Variants in MGAM observed in about 807,000 individuals in gnomAD.
The protein encoded by MGAM is alpha-1,4-glucosidase.
Under a neutral mutation model 358.8 loss-of-function variants are expected in MGAM, and 253 were observed. The ratio of observed to expected loss-of-function variants is 0.71; its 90% CI spans 0.64 to 0.78. The LOEUF (loss-of-function observed/expected upper bound fraction) is 0.78, where lower values mean the gene tolerates loss of function less well. MGAM is among the 30% of genes least tolerant of loss of function. MGAM has a pLI of 0.00. For missense variants in MGAM, 3,080 were observed against 3,432.6 expected (o/e 0.90, Z 2.57); for synonymous variants, 1,105 against 1,227.1 (o/e 0.90, Z 2.08).
At position 142,084,603 on chromosome 7, in the gene MGAM, T is replaced by G. The variant is rs754505078; in HGVS notation, c.6466T>G (p.Ser2156Ala). The G allele has an allele frequency of 5.1e-5, 79 of 1,556,414 alleles. 10 individuals are homozygous for G. The highest frequency in any genetic ancestry group is 2.0e-4 in the African/African-American group (15 of 74,472). Reference protein sequence around the residue: ...RYGYQNDSEISSLYDEMVAAQ... With the variant: ...RYGYQNDSEIASLYDEMVAAQ... ...TGGCTACCAGAACGACTCTGAGATC[T>G]CCAGCTTGTATGATGAGATGGTGGC... is the stretch of plus-strand genomic sequence containing the variant. Residue 2156 changes from serine to alanine, a missense_variant, in exon 54 of 71, where the codon TCC becomes GCC. Ser to Ala is a moderately conservative substitution (Grantham distance 99). Around this residue, in one of 5 missense-constraint regions of MGAM, gnomAD observed 932 missense variants for 1,198.2 expected, o/e 0.78. Transcript: ENST00000475668.
chr7:142,045,720 A>T lies in MGAM; in HGVS notation c.2499-2065A>T, dbSNP rs1473136813. ...AATATATGAATATATAATATATAAT[A>T]TATACATACAATGTATGAATATATA... On this transcript the variant is annotated intron_variant, in intron 21 of 70. Transcript: ENST00000475668. 1.8e-4 allele frequency among the ~76,000 whole-genome samples: 15 copies of T among 81,474 alleles called. 4 individuals carry two copies. Among genetic ancestry groups the T allele is most frequent in the African/African-American group, 6.5e-4 (14 of 21,418 alleles). The allele number at this position is 81,474 out of a possible 152,430, so 53.5% of individuals were successfully genotyped here. A position where few individuals can be genotyped will look rare whatever the true frequency, so the allele number is the denominator to read the frequency against.
intron 22 of MGAM, among the ~76,000 whole-genome samples, chr7:142,048,559 T>C (rs1810640929): frequency 1.4e-5 from 2 of 145,008 alleles, no homozygotes; most frequent in East Asian, 2.0e-4. Flanking sequence ...CAAATGTTGA[T>C]GATATAGAAA....
intron 1 of MGAM, among the ~76,000 whole-genome samples, chr7:141,998,447 C>T (rs1554449549): frequency 6.6e-6 from 1 of 152,164 alleles, no homozygotes; most frequent in Non-Finnish European, 1.5e-5. Flanking sequence ...TGATGTTCCC[C>T]TCCCCATGTC....
chr7:142,021,454 C>T lies in MGAM; in HGVS notation c.559-132C>T. ...AAGGTGAACCATTTGAGTTTGGTAA[C>T]ATAATGAGTACATCTACCTAAGATA... On this transcript the variant is annotated intron_variant, in intron 5 of 70. Coordinates refer to ENST00000475668, the MANE Select transcript of MGAM (RefSeq NM_001365693.1). 3 of 893,718 alleles carry T rather than the reference C, an allele frequency of 3.4e-6. No individual in the cohort carries two copies. In the East Asian group the frequency reaches 7.9e-5, roughly 24 times the overall value. 55.4% of individuals were successfully genotyped at this position (893,718 alleles called of 1,614,324 possible).
At chr7:142,019,356 C>T (rs1554457619) in intron 4 of MGAM, 37 bp downstream of exon 4, 5 of 1,603,656 alleles carry the variant, frequency 3.1e-6, no homozygotes, top group Admixed American at 3.3e-5. Flanking sequence ...GAGGTCCAGA[C>T]CCTCTGGAGG....
chr7:142,092,857 G>A (rs1305079249), intron 59 of MGAM, among the ~76,000 whole-genome samples: 1 of 146,462 alleles, frequency 6.8e-6, no homozygotes, highest in Non-Finnish European at 1.5e-5. Flanking sequence ...GCCACCAAAG[G>A]GTTCTCACAG....
chr7:142,088,362 G>A (rs770109386), intron 57 of MGAM, among the ~76,000 whole-genome samples: 1 of 145,936 alleles, frequency 6.9e-6, no homozygotes, highest in Non-Finnish European at 1.6e-5. Context: ...GTCAGACTCA[G>A]TTCAAGGCTG....
rs763981731 is a variant in MGAM at position 142,065,403 on chromosome 7, G to T, written c.4553G>T (p.Arg1518Leu). The part of the protein sequence containing the change: ...ITRSTFPSSG[R>L]WAGHWLGDNT... The stretch of plus-strand genomic sequence containing the variant: ...CGCTCCACATTTCCCTCTTCTGGCC[G>T]CTGGGCAGGACATTGGCTGGGAGAC... The change falls in exon 38 of 71, where the codon CGC becomes CTC. Residue 1518 changes from arginine to leucine, a missense_variant. Coordinates refer to ENST00000475668, the MANE Select transcript of MGAM (RefSeq NM_001365693.1). 1 of 1,610,294 alleles carries T rather than the reference G, an allele frequency of 6.2e-7. No individual in the cohort carries two copies. The highest frequency in any genetic ancestry group is 1.1e-5 in the South Asian group (1 of 90,338).
At chr7:141,998,441 G>A (rs1421655336) in intron 1 of MGAM, among the ~76,000 whole-genome samples, 5 of 152,060 alleles carry the variant, frequency 3.3e-5, no homozygotes, top group African/African-American at 1.2e-4. Context: ...AATGTGTGAT[G>A]TTCCCCTCCC....
intron 3 of MGAM, among the ~76,000 whole-genome samples, chr7:142,018,337 C>T (rs868914401): frequency 2.0e-5 from 3 of 152,286 alleles, no homozygotes; most frequent in Middle Eastern, 6.8e-3. Context: ...GTGAGCCCCT[C>T]CACAGTGTGA....
intron 3 of MGAM, among the ~76,000 whole-genome samples, chr7:142,009,800 G>C (rs1805465464): frequency 6.6e-6 from 1 of 151,844 alleles, no homozygotes. Flanking sequence ...TAGAACTTTT[G>C]TTGTATGTTT....
intron 32 of MGAM, 43 bp from the exon 33 acceptor site, chr7:142,059,813 C>A (rs1217409187): frequency 6.3e-7 from 1 of 1,584,002 alleles, no homozygotes; most frequent in South Asian, 1.1e-5. Context: ...TCTCCTCATT[C>A]TCTGGCTTTG....
chr7:142,055,530 G>C (rs373141663), intron 27 of MGAM, 28 bp from the exon 28 acceptor site: 3 of 1,613,586 alleles, frequency 1.9e-6, no homozygotes, highest in African/African-American at 1.3e-5. Flanking sequence ...CTCATTTTCT[G>C]TTTCAAATCT....
chr7:142,044,308 A>C (rs1347737962), intron 21 of MGAM, among the ~76,000 whole-genome samples: 2 of 138,554 alleles, frequency 1.4e-5, no homozygotes, highest in African/African-American at 2.6e-5. Context: ...TACTATATAT[A>C]ATATACACAT....
intron 17 of MGAM, 151 bp from the exon 18 acceptor site, chr7:142,036,672 A>G: frequency 1.3e-6 from 1 of 747,522 alleles, no homozygotes; most frequent in Admixed American, 2.5e-5. Flanking sequence ...AAGGAGAGAC[A>G]CTTGGTACTA....
rs1809617963 is a variant in MGAM, at chr7:142,044,223, GACA to G, written c.2498+3378_2498+3380del. On this transcript the variant is annotated intron_variant, in intron 21 of 70. Coordinates refer to ENST00000475668, the MANE Select transcript of MGAM (RefSeq NM_001365693.1). ...TAATATATACATTATATACACATAC[GACA>G]TATAATATATACATTATATACACAT... Among the ~76,000 whole-genome samples, 2 of 52,480 alleles carry G rather than the reference GACA, an allele frequency of 3.8e-5. 1 individual carries two copies. The highest frequency in any genetic ancestry group is 8.1e-5 in the African/African-American group (2 of 24,832). The allele number at this position is 52,480 out of a possible 152,430, so 34.4% of individuals were successfully genotyped here. A position where few individuals can be genotyped will look rare whatever the true frequency, so the allele number is the denominator to read the frequency against.
upstream of MGAM, among the ~76,000 whole-genome samples, chr7:141,994,033 G>GC (rs1804058537): frequency 6.6e-6 from 1 of 152,106 alleles, no homozygotes; most frequent in African/African-American, 2.4e-5. Context: ...GCACCGCCAT[G>GC]CCCGGCTAAT....
At chr7:142,101,713 C>T (rs1412531266) in intron 68 of MGAM, among the ~76,000 whole-genome samples, 1 of 151,624 alleles carries the variant, frequency 6.6e-6, no homozygotes, top group Non-Finnish European at 1.5e-5. Flanking sequence ...CGAGATCAGC[C>T]TGACCAACAT....
rs1290135169 is a variant in MGAM, at chr7:142,027,146, T to C, written c.1014T>C (p.Thr338=). Residue 338 remains threonine, a synonymous_variant, in exon 9 of 71, where the codon ACT becomes ACC. Transcript: ENST00000475668. ...EVVLQPAPAI[T]YRTIGGILDF... ...TCCTTCAGCCTGCGCCAGCCATCAC[T>C]TACCGCACCATTGGGGGCATTCTCG... The C allele has an allele frequency of 6.2e-7, 1 of 1,613,620 alleles. No individual in the cohort carries two copies. The highest frequency in any genetic ancestry group is 8.5e-7 in the Non-Finnish European group (1 of 1,179,664).
Sources: allele counts gnomAD v4.1 joint callset (sites outside exome capture counted in the v4.1 genomes callset), GRCh38; gene constraint gnomAD v4.1.1; regional missense constraint gnomAD v4.1.1; transcripts MANE v1.5; gene names NCBI Gene and HGNC (gene_info 2026-07-23, HGNC 2026-07-21).